SORCS2: variants seen among roughly 807,000 people sequenced by gnomAD.
SORCS2 encodes the protein VPS10 domain-containing receptor SorCS2.
Under a neutral mutation model 141.6 loss-of-function variants are expected in SORCS2, and 100 were observed. That is an observed-to-expected ratio of 0.71 (90% CI 0.60 to 0.83). The LOEUF is 0.83. Ranked by LOEUF, SORCS2 falls within the 40% of genes least tolerant of loss-of-function variation. The probability of loss-of-function intolerance (pLI) is 0.00; values close to 1 mark genes in which losing one functional copy is unlikely to be tolerated. For missense variants in SORCS2, 1,646 were observed against 1,560.2 expected (o/e 1.05, Z -0.93); for synonymous variants, 789 against 676.9 (o/e 1.17, Z -2.57).
intron 2 of SORCS2, among the ~76,000 whole-genome samples, chr4:7,443,757 G>C (rs1264371070): frequency 6.6e-6 from 1 of 152,248 alleles, no homozygotes; most frequent in African/African-American, 2.4e-5. Flanking sequence ...AGAGGGAAAA[G>C]TACAGAATGC....
At chr4:7,419,362 C>G (rs1223629469) in intron 2 of SORCS2, among the ~76,000 whole-genome samples, 5 of 152,100 alleles carry the variant, frequency 3.3e-5, no homozygotes, top group Non-Finnish European at 7.3e-5. Flanking sequence ...TCTGGCTGGC[C>G]TTGGACACTG....
Position 7,221,917 on chromosome 4 carries a change from C to T in SORCS2, c.480+28791C>T, listed in dbSNP as rs35264648. ...CAAGCCATTCAGATCCTTACCTTCA[C>T]GGAGCTTATATTTTTTAGCATGGGA... On this transcript the variant is annotated intron_variant, in intron 1 of 26. Coordinates refer to ENST00000507866, the MANE Select transcript of SORCS2 (RefSeq NM_020777.3). 7.5e-3 allele frequency among the ~76,000 whole-genome samples: 1,135 copies of T among 152,256 alleles called. 14 individuals are homozygous for T. The highest frequency in any genetic ancestry group is 0.025 in the African/African-American group (1,043 of 41,542).
chr4:7,364,673 T>C (rs1445789929), intron 1 of SORCS2, among the ~76,000 whole-genome samples: 1 of 152,216 alleles, frequency 6.6e-6, no homozygotes, highest in African/African-American at 2.4e-5. Context: ...GGGAGCAAGC[T>C]AACATTGGCT....
chr4:7,712,250 C>T (rs933861299), intron 14 of SORCS2, among the ~76,000 whole-genome samples: 2 of 152,196 alleles, frequency 1.3e-5, no homozygotes, highest in Non-Finnish European at 2.9e-5. Context: ...TGTGGCCCAG[C>T]GATAGAAAGC....
chr4:7,307,977 G>A (rs771007874), intron 1 of SORCS2, among the ~76,000 whole-genome samples: 12 of 152,192 alleles, frequency 7.9e-5, no homozygotes, highest in East Asian at 5.8e-4. Flanking sequence ...GTGTGTGTGC[G>A]CAGGCCTGTG....
At chr4:7,288,292 C>T (rs186369019) in intron 1 of SORCS2, among the ~76,000 whole-genome samples, 41 of 152,108 alleles carry the variant, frequency 2.7e-4, no homozygotes, top group African/African-American at 9.6e-4. Flanking sequence ...CTTGCTGAGA[C>T]GTGGGGGCCC....
Position 7,625,815 on chromosome 4 carries a change from G to T in SORCS2, c.649-12513G>T, listed in dbSNP as rs1480557020. ...GAAAGAAGGAACGGAGGAAGGAGGG[G>T]AGGAGAGAGGAAAAGAAAGAGTTGG... On this transcript the variant is annotated intron_variant, in intron 3 of 26. Coordinates refer to ENST00000507866, the MANE Select transcript of SORCS2 (RefSeq NM_020777.3). 2.1e-5 allele frequency among the ~76,000 whole-genome samples: 3 copies of T among 146,310 alleles called. No individual in the cohort carries two copies. The East Asian group carries it at 5.8e-4, about 28-fold the overall frequency.
At chr4:7,510,799 A>T (rs1732593087) in intron 2 of SORCS2, among the ~76,000 whole-genome samples, 1 of 152,006 alleles carries the variant, frequency 6.6e-6, no homozygotes, top group Non-Finnish European at 1.5e-5. Context: ...GTCTCTGCTC[A>T]ACGTCAGAGT....
chr4:7,371,552 G>T (rs571904944), intron 1 of SORCS2, among the ~76,000 whole-genome samples: 2 of 152,322 alleles, frequency 1.3e-5, no homozygotes, highest in East Asian at 3.9e-4. Flanking sequence ...AGCCTAGGTT[G>T]TTTCTTTTTC....
At chr4:7,726,944 T>G in intron 21 of SORCS2, 41 bp downstream of exon 21, 1 of 1,587,542 alleles carries the variant, frequency 6.3e-7, no homozygotes, top group Non-Finnish European at 8.6e-7. Context: ...CCTCTGCATC[T>G]CTGCTGCAGT....
intron 3 of SORCS2, among the ~76,000 whole-genome samples, chr4:7,573,625 C>A (rs1410021340): frequency 6.6e-6 from 1 of 152,200 alleles, no homozygotes; most frequent in Admixed American, 6.5e-5. Context: ...TCAAGTGATT[C>A]TCCTGCCTCA....
chr4:7,446,423 G>A (rs1236129208), intron 2 of SORCS2, among the ~76,000 whole-genome samples: 2 of 152,192 alleles, frequency 1.3e-5, no homozygotes, highest in Non-Finnish European at 2.9e-5. Flanking sequence ...AATTTTAGGG[G>A]ACACAATTCT....
chr4:7,350,763 T>C (rs1251367202), intron 1 of SORCS2, among the ~76,000 whole-genome samples: 4 of 152,232 alleles, frequency 2.6e-5, no homozygotes, highest in Admixed American at 2.0e-4. Context: ...CACTGCTTTT[T>C]TCATTGCCTA....
intron 1 of SORCS2, among the ~76,000 whole-genome samples, chr4:7,352,207 T>C (rs560999675): frequency 6.6e-6 from 1 of 152,326 alleles, no homozygotes; most frequent in Non-Finnish European, 1.5e-5. Context: ...GCCTCCCTCA[T>C]GGGATTGTGA....
rs1431719725 is a variant in SORCS2 at position 7,230,255 on chromosome 4, A to G, written c.480+37129A>G. Among the ~76,000 whole-genome samples the G allele has an allele frequency of 2.4e-5, 3 of 125,828 alleles. 1 individual carries two copies. The East Asian group carries it at 7.5e-4, about 31-fold the overall frequency. The allele number at this position is 125,828 out of a possible 152,430, so 82.5% of individuals were successfully genotyped here. A position where few individuals can be genotyped will look rare whatever the true frequency, so the allele number is the denominator to read the frequency against. ...TGTATGAAGGAGATGAAGATGGTCA[A>G]GTCTTCTAGTCGCTGGGCAGGAGCA... is the stretch of plus-strand genomic sequence containing the variant. On this transcript the variant is annotated intron_variant, in intron 1 of 26. Coordinates refer to ENST00000507866, the MANE Select transcript of SORCS2 (RefSeq NM_020777.3).
chr4:7,288,320 G>C (rs911177432), intron 1 of SORCS2, among the ~76,000 whole-genome samples: 1 of 152,012 alleles, frequency 6.6e-6, no homozygotes, highest in African/African-American at 2.4e-5. Context: ...CTACCTCCAC[G>C]GTGAACTTCT....
At chr4:7,622,882 A>G (rs888504645) in intron 3 of SORCS2, among the ~76,000 whole-genome samples, 6 of 151,328 alleles carry the variant, frequency 4.0e-5, no homozygotes, top group Non-Finnish European at 7.4e-5. Flanking sequence ...ACAGACACTC[A>G]TTTTTCCTGC....
intron 1 of SORCS2, among the ~76,000 whole-genome samples, chr4:7,302,272 C>T (rs772802780): frequency 2.0e-5 from 3 of 152,324 alleles, no homozygotes; most frequent in Non-Finnish European, 4.4e-5. Context: ...GCAGTGCCTG[C>T]CCGCAAGTAG....
intron 23 of SORCS2, among the ~76,000 whole-genome samples, chr4:7,730,107 C>A (rs1242039064): frequency 6.6e-6 from 1 of 152,138 alleles, no homozygotes; most frequent in Admixed American, 6.5e-5. Flanking sequence ...AGTCAGCCCC[C>A]ATGCAGTTAG....
Sources: allele counts gnomAD v4.1 joint callset (sites outside exome capture counted in the v4.1 genomes callset), GRCh38; gene constraint gnomAD v4.1.1; transcripts MANE v1.5; gene names NCBI Gene and HGNC (gene_info 2026-07-23, HGNC 2026-07-21).